Variants in PPP1R37 observed in about 807,000 individuals in gnomAD.
PPP1R37 encodes protein phosphatase 1 regulatory subunit 37.
In PPP1R37, 21 loss-of-function variants were observed where a neutral mutation model predicts 61.0. The observed-to-expected ratio is 0.34, with a 90% CI of 0.24 to 0.50. The LOEUF is 0.50. Among genes scored for constraint, PPP1R37 ranks in the 20% least tolerant of loss-of-function variants. The probability of loss-of-function intolerance (pLI) is 0.98; values close to 1 mark genes in which losing one functional copy is unlikely to be tolerated. For synonymous variants in PPP1R37, 443 were observed against 433.5 expected, an observed-to-expected ratio of 1.02 and a Z score of -0.27; for missense variants, 910 against 952.7, an observed-to-expected ratio of 0.96 and a Z score of 0.59.
At chr19:45,115,693 G>A (rs186559635) in intron 1 of PPP1R37, among the ~76,000 whole-genome samples, 14 of 152,258 alleles carry the variant, frequency 9.2e-5, no homozygotes, top group Middle Eastern at 3.4e-3. Flanking sequence ...TAAAAGTTGC[G>A]GCCAGGCGCA....
At chr19:45,117,031 G>A (rs151087532) in intron 1 of PPP1R37, among the ~76,000 whole-genome samples, 26 of 151,486 alleles carry the variant, frequency 1.7e-4, no homozygotes, top group African/African-American at 6.3e-4. Context: ...TCCTGTCTCA[G>A]CCTCCCAAGT....
chr19:45,139,439 C>T (rs1408240614), intron 2 of PPP1R37, among the ~76,000 whole-genome samples: 5 of 152,232 alleles, frequency 3.3e-5, no homozygotes, highest in African/African-American at 2.4e-5. Context: ...GTCGCTCTCC[C>T]ACCCTGCCGG....
chr19:45,143,592 C>G lies in PPP1R37; in HGVS notation c.946C>G (p.Gln316Glu). ...GLVTLVLWNN[Q>E]LTHTGMAFLG... is the part of the protein sequence containing the mutation. ...GGTGACCCTGGTGCTGTGGAACAACCAGCTCACGCACACAGGCATGGCCTT... is the reference window on the plus strand; with the variant it reads ...GGTGACCCTGGTGCTGTGGAACAACGAGCTCACGCACACAGGCATGGCCTT... Residue 316 changes from glutamine (Q) to glutamate (E), a missense_variant, in exon 8 of 13, where the codon CAG becomes GAG. This residue lies in a region of PPP1R37 where 280 missense variants were observed against 382.2 expected (regional missense o/e 0.73). Coordinates refer to ENST00000221462, the MANE Select transcript of PPP1R37 (RefSeq NM_019121.2). 1 of 1,535,880 alleles carries G rather than the reference C, an allele frequency of 6.5e-7. No individual in the cohort carries two copies. Among genetic ancestry groups the G allele is most frequent in the Non-Finnish European group, 8.7e-7 (1 of 1,146,672 alleles).
chr19:45,140,422 G>T, intron 3 of PPP1R37, 84 bp from the exon 4 acceptor site: 2 of 1,258,792 alleles, frequency 1.6e-6, no homozygotes. Flanking sequence ...CTGGTGGGGG[G>T]TGGGAGGTTG....
rs1167660501 is a variant in PPP1R37 at position 45,093,344 on chromosome 19, G to C, written c.19G>C (p.Glu7Gln). 7.4e-6 allele frequency: 11 copies of C among 1,490,816 alleles called. No homozygotes were observed. The South Asian group carries it at 1.4e-4, about 19-fold the overall frequency. The allele number at this position is 1,490,816 out of a possible 1,614,324, so 92.3% of individuals were successfully genotyped here. The stretch of plus-strand genomic sequence containing the variant: ...GGCGGCTATGGAGATCGCGCCGCAG[G>C]AGGCGCCGCCCGTGCCGGGCGCGGA... The part of the protein sequence containing the change: MEIAPQ[E>Q]APPVPGADGD... The change falls in exon 1 of 13, where the codon GAG becomes CAG. Residue 7 changes from glutamate (E) to glutamine (Q), a missense_variant. Around this residue, in one of 3 missense-constraint regions of PPP1R37, gnomAD observed 81 missense variants for 65.4 expected, o/e 1.24. Coordinates refer to ENST00000221462, the MANE Select transcript of PPP1R37 (RefSeq NM_019121.2).
chr19:45,140,216 A>G lies in PPP1R37; in HGVS notation c.301-20A>G. The G allele has an allele frequency of 6.5e-7, 1 of 1,535,024 alleles. No homozygotes were observed. The highest frequency in any genetic ancestry group is 8.7e-7 in the Non-Finnish European group (1 of 1,145,964). On this transcript the variant is annotated intron_variant, in intron 2 of 12. Transcript: ENST00000221462. Reference sequence around the variant, plus strand: ...CCTGTTCAAGTGTCTTCCTGCCTTAACCCCACTCTACTTTCTCAGGAATTC... The same window carrying G: ...CCTGTTCAAGTGTCTTCCTGCCTTAGCCCCACTCTACTTTCTCAGGAATTC...
rs549714967 is a variant in PPP1R37 at position 45,131,419 on chromosome 19, G to A, written c.203-7095G>A. Among the ~76,000 whole-genome samples the A allele has an allele frequency of 1.3e-4, 20 of 152,328 alleles. No homozygotes were observed. The East Asian group carries it at 3.9e-3, about 29-fold the overall frequency. On this transcript the variant is annotated intron_variant, in intron 1 of 12. Coordinates refer to ENST00000221462, the MANE Select transcript of PPP1R37 (RefSeq NM_019121.2). Reference sequence around the variant, plus strand: ...AGACAAGGGAGCCGAGAGTTGAGCTGTGCTGTGGTTTCAGGTCAAGACAGT... The same window carrying A: ...AGACAAGGGAGCCGAGAGTTGAGCTATGCTGTGGTTTCAGGTCAAGACAGT...
In PPP1R37 at chr19:45,138,588, C is replaced by G. The variant is rs1188408858; in HGVS notation, c.277C>G (p.Pro93Ala). ...ACQKLNCRQIPKLLRQLQEFT... is the reference protein window; with the variant it reads ...ACQKLNCRQIAKLLRQLQEFT... ...CCAGAAGCTGAACTGCAGGCAGATC[C>G]CCAAGCTCCTCAGGCAGCTGCAGGT... The change falls in exon 2 of 13, where the codon CCC becomes GCC. Residue 93 changes from proline (P) to alanine (A), a missense_variant. Physicochemically the swap from Pro to Ala is conservative, Grantham distance 27. Coordinates refer to ENST00000221462, the MANE Select transcript of PPP1R37 (RefSeq NM_019121.2). 3.3e-6 allele frequency: 5 copies of G among 1,535,624 alleles called. No individual in the cohort carries two copies. The highest frequency in any genetic ancestry group is 3.9e-5 in the Admixed American group (2 of 50,968).
At chr19:45,111,781 C>T (rs10407374) in intron 1 of PPP1R37, among the ~76,000 whole-genome samples, 21 of 121,510 alleles carry the variant, frequency 1.7e-4, no homozygotes, top group African/African-American at 5.4e-4. Flanking sequence ...TTGCGGGGGG[C>T]GGGGGTGGAT....
intron 1 of PPP1R37, chr19:45,128,691 G>T (rs973644317): frequency 7.2e-6 from 8 of 1,116,568 alleles, no homozygotes; most frequent in Non-Finnish European, 1.1e-5. Context: ...TAAGGTCTTT[G>T]AGATGTCTGC....
intron 1 of PPP1R37, among the ~76,000 whole-genome samples, chr19:45,106,645 CT>C (rs1434457152): frequency 1.3e-5 from 2 of 152,082 alleles, no homozygotes; most frequent in Non-Finnish European, 2.9e-5. Context: ...AAGTGATCCT[CT>C]TGCCTCAGCC....
rs1968435742 is a variant in PPP1R37, at chr19:45,128,457, G to A, written c.203-10057G>A. 4 of 598,896 alleles carry A rather than the reference G, an allele frequency of 6.7e-6. No individual in the cohort carries two copies. The Admixed American group carries it at 8.5e-5, about 13-fold the overall frequency. The allele number at this position is 598,896 out of a possible 1,614,324, so 37.1% of individuals were successfully genotyped here. On this transcript the variant is annotated intron_variant, in intron 1 of 12. Coordinates refer to ENST00000221462, the MANE Select transcript of PPP1R37 (RefSeq NM_019121.2). ...GCTGTGTGTGTTTAAAGTCAAGGCA[G>A]GGTGGTAGAGGCAGCGGCAGCAGCA...
In PPP1R37 at chr19:45,146,495, G is replaced by A. The variant is rs1423895896; in HGVS notation, c.*8+15G>A. ...TGACACTTTAGGTGAGGCCAGGCCC[G>A]GGGCCCACAGCACTCGGGAGGAGCT... On this transcript the variant is annotated intron_variant, in intron 12 of 12. Transcript: ENST00000221462. The A allele has an allele frequency of 1.3e-5, 19 of 1,512,342 alleles. No homozygotes were observed. Among genetic ancestry groups the A allele is most frequent in the Middle Eastern group, 1.7e-4 (1 of 5,940 alleles). 93.7% of individuals were successfully genotyped at this position (1,512,342 alleles called of 1,614,324 possible). A position where few individuals can be genotyped will look rare whatever the true frequency, so the allele number is the denominator to read the frequency against.
At chr19:45,142,519 G>C in intron 7 of PPP1R37, 61 bp downstream of exon 7, 1 of 1,482,938 alleles carries the variant, frequency 6.7e-7, no homozygotes, top group Non-Finnish European at 9.1e-7. Context: ...GCCCGGCCCT[G>C]CGCTAGGTGG....
intron 1 of PPP1R37, among the ~76,000 whole-genome samples, chr19:45,104,481 C>T (rs1167727760): frequency 6.6e-6 from 1 of 152,190 alleles, no homozygotes; most frequent in Non-Finnish European, 1.5e-5. Flanking sequence ...TTCACTGAGT[C>T]CTTTTTTCCT....
At chr19:45,104,909 T>G (rs1968110980) in intron 1 of PPP1R37, among the ~76,000 whole-genome samples, 1 of 152,156 alleles carries the variant, frequency 6.6e-6, no homozygotes, top group South Asian at 2.1e-4. Context: ...TCACTAATCT[T>G]TCAGGTGCCA....
intron 5 of PPP1R37, 44 bp downstream of exon 5, chr19:45,141,485 A>G (rs1358607229): frequency 2.2e-6 from 3 of 1,377,282 alleles, no homozygotes; most frequent in African/African-American, 1.6e-5. Context: ...TCAGGCTCCC[A>G]GCACGGGGAG....
At chr19:45,098,323 G>A (rs17562676) in intron 1 of PPP1R37, among the ~76,000 whole-genome samples, 16,905 of 152,288 alleles carry the variant, frequency 0.11, 1,312 homozygotes, top group Non-Finnish European at 0.17. Flanking sequence ...AGGCCAAACT[G>A]CAGGAATGAC....
chr19:45,101,475 C>T (rs533023928), intron 1 of PPP1R37, among the ~76,000 whole-genome samples: 1 of 152,140 alleles, frequency 6.6e-6, no homozygotes, highest in African/African-American at 2.4e-5. Flanking sequence ...CCCAGCACTT[C>T]AGGAGCTCCA....
Sources: allele counts gnomAD v4.1 joint callset (sites outside exome capture counted in the v4.1 genomes callset), GRCh38; gene constraint gnomAD v4.1.1; regional missense constraint gnomAD v4.1.1; transcripts MANE v1.5; gene names NCBI Gene and HGNC (gene_info 2026-07-23, HGNC 2026-07-21).